The following CADPS2 variants were observed in gnomAD, a reference collection of about 807,000 sequenced individuals.
The protein encoded by CADPS2 is calcium-dependent secretion activator 2.
A neutral mutation model predicts 172.5 loss-of-function variants in CADPS2; 93 were observed. That is an observed-to-expected ratio of 0.54 (90% CI 0.46 to 0.64). CADPS2 has a LOEUF of 0.64. Ranked by LOEUF, CADPS2 falls within the 30% of genes least tolerant of loss-of-function variation. The pLI is 0.00. For missense variants in CADPS2, 1,420 were observed against 1,565.9 expected (o/e 0.91, Z 1.57); for synonymous variants, 546 against 555.2 (o/e 0.98, Z 0.23).
At position 122,711,817 on chromosome 7, in the gene CADPS2, TA is replaced by T. The variant is rs373838665; in HGVS notation, c.453+25137del. 1.4e-4 allele frequency among the ~76,000 whole-genome samples: 22 copies of T among 152,016 alleles called. No individual in the cohort carries two copies. In the East Asian group the frequency reaches 3.1e-3, roughly 22 times the overall value. ...ACAGGCACGTGCCACCACACCCGGC[TA>T]ATTTTTGTATTTTTAGTAGAGACGG... On this transcript the variant is annotated intron_variant, in intron 2 of 29. Coordinates refer to ENST00000449022, the MANE Select transcript of CADPS2 (RefSeq NM_017954.11).
At chr7:122,629,385 C>T in intron 3 of CADPS2, 57 bp from the exon 4 acceptor site, 5 of 1,336,578 alleles carry the variant, frequency 3.7e-6, no homozygotes, top group Non-Finnish European at 5.1e-6. Context: ...ATACAGTGAC[C>T]CACAGACTGA....
intron 7 of CADPS2, among the ~76,000 whole-genome samples, chr7:122,579,372 AATAG>A (rs2068488137): frequency 6.6e-6 from 1 of 150,974 alleles, no homozygotes; most frequent in African/African-American, 2.4e-5. Flanking sequence ...GAAACCCTGT[AATAG>A]ATAGAAAAGT....
At chr7:122,370,176 G>A (rs181944180) in intron 25 of CADPS2, among the ~76,000 whole-genome samples, 3 of 152,128 alleles carry the variant, frequency 2.0e-5, no homozygotes, top group East Asian at 3.9e-4. Context: ...TGAGTTACTC[G>A]GTCACAGATT....
chr7:122,459,746 A>G (rs909194804), intron 14 of CADPS2, among the ~76,000 whole-genome samples: 12 of 152,306 alleles, frequency 7.9e-5, no homozygotes, highest in Admixed American at 2.0e-4. Flanking sequence ...AAATTTGTAA[A>G]CAGATGGCCC....
chr7:122,669,925 C>T (rs957793810), intron 2 of CADPS2, among the ~76,000 whole-genome samples: 2 of 151,788 alleles, frequency 1.3e-5, no homozygotes, highest in South Asian at 2.1e-4. Flanking sequence ...TTTCCATCCT[C>T]GAGAGGCCTG....
At chr7:122,745,394 T>C (rs1275406992) in intron 1 of CADPS2, among the ~76,000 whole-genome samples, 4 of 151,844 alleles carry the variant, frequency 2.6e-5, no homozygotes, top group Non-Finnish European at 5.9e-5. Context: ...GAGACAGGGA[T>C]AGAATTTCAA....
At chr7:122,408,300 T>C (rs7785453) in intron 19 of CADPS2, among the ~76,000 whole-genome samples, 99,772 of 151,968 alleles carry the variant, frequency 0.66, 33,107 homozygotes, top group African/African-American at 0.76. Context: ...TGATTATTTC[T>C]TTAGGATAAA....
chr7:122,688,857 C>T (rs1456080613), intron 2 of CADPS2, among the ~76,000 whole-genome samples: 3 of 152,134 alleles, frequency 2.0e-5, no homozygotes, highest in Non-Finnish European at 4.4e-5. Flanking sequence ...ACTCCACCCC[C>T]TCGGCCAAGG....
chr7:122,346,403 A>G (rs1156953368), intron 27 of CADPS2, among the ~76,000 whole-genome samples: 2 of 152,074 alleles, frequency 1.3e-5, no homozygotes, highest in African/African-American at 2.4e-5. Context: ...ACCAAACCAA[A>G]AAATGTTAGC....
At chr7:122,515,467 A>T (rs576706051) in intron 8 of CADPS2, among the ~76,000 whole-genome samples, 2 of 152,234 alleles carry the variant, frequency 1.3e-5, no homozygotes, top group African/African-American at 4.8e-5. Context: ...TGACCTCGGG[A>T]GCTAGATGCT....
intron 2 of CADPS2, among the ~76,000 whole-genome samples, chr7:122,691,539 G>T (rs1409411641): frequency 1.3e-5 from 2 of 152,198 alleles, no homozygotes; most frequent in African/African-American, 4.8e-5. Context: ...CCCCAGGCAA[G>T]GTGGGCATTG....
At chr7:122,860,530 G>C (rs985860263) in intron 1 of CADPS2, among the ~76,000 whole-genome samples, 3 of 151,950 alleles carry the variant, frequency 2.0e-5, no homozygotes, top group Admixed American at 2.0e-4. Context: ...ACTGTGCCCA[G>C]CCATAATATA....
intron 5 of CADPS2, among the ~76,000 whole-genome samples, chr7:122,620,308 G>A (rs1383611277): frequency 3.3e-5 from 5 of 152,058 alleles, no homozygotes; most frequent in Non-Finnish European, 7.3e-5. Context: ...TCATGGGGAG[G>A]GGAAGCTTAA....
intron 20 of CADPS2, among the ~76,000 whole-genome samples, chr7:122,406,526 C>T (rs2046659491): frequency 6.6e-6 from 1 of 152,144 alleles, no homozygotes; most frequent in South Asian, 2.1e-4. Context: ...ATTCAGGTCA[C>T]ATGGTGAGCA....
At chr7:122,815,303 T>C (rs1276936841) in intron 1 of CADPS2, among the ~76,000 whole-genome samples, 2 of 152,184 alleles carry the variant, frequency 1.3e-5, no homozygotes, top group African/African-American at 4.8e-5. Flanking sequence ...TGTTAGCTAA[T>C]TTGCTTCTGG....
intron 1 of CADPS2, among the ~76,000 whole-genome samples, chr7:122,791,887 A>G (rs1408512612): frequency 6.6e-6 from 1 of 152,226 alleles, no homozygotes; most frequent in Non-Finnish European, 1.5e-5. Flanking sequence ...TAGGAATCCA[A>G]TTATTTTGAA....
At chr7:122,514,733 A>G (rs1173110353) in intron 8 of CADPS2, among the ~76,000 whole-genome samples, 1 of 152,160 alleles carries the variant, frequency 6.6e-6, no homozygotes, top group African/African-American at 2.4e-5. Flanking sequence ...ACTGATAACA[A>G]ATGTCCAACA....
chr7:122,793,802 A>G (rs1795792556), intron 1 of CADPS2, among the ~76,000 whole-genome samples: 1 of 151,908 alleles, frequency 6.6e-6, no homozygotes, highest in Non-Finnish European at 1.5e-5. Context: ...TTCCTTCAGG[A>G]GCTCTTGTAA....
At chr7:122,782,504 A>G (rs943890380) in intron 1 of CADPS2, among the ~76,000 whole-genome samples, 3 of 152,162 alleles carry the variant, frequency 2.0e-5, no homozygotes, top group African/African-American at 7.2e-5. Flanking sequence ...CCAGCTACTC[A>G]GGATGCTAAG....
Sources: allele counts gnomAD v4.1 joint callset (sites outside exome capture counted in the v4.1 genomes callset), GRCh38; gene constraint gnomAD v4.1.1; transcripts MANE v1.5; gene names NCBI Gene and HGNC (gene_info 2026-07-23, HGNC 2026-07-21).